The following RRAGB variants were observed in gnomAD, a reference collection of about 807,000 sequenced individuals.
RRAGB encodes Ras related GTP binding B.
RRAGB carries 6 observed loss-of-function variants against 29.3 expected under a neutral mutation model. The ratio of observed to expected loss-of-function variants is 0.21; its 90% CI spans 0.11 to 0.40. RRAGB has a LOEUF of 0.40. Among genes scored for constraint, RRAGB ranks in the 10% least tolerant of loss-of-function variants. The pLI, the probability that RRAGB is intolerant of heterozygous loss-of-function variation, is 1.00. For synonymous variants in RRAGB, 101 were observed against 92.5 expected, an observed-to-expected ratio of 1.09 and a Z score of -0.53; for missense variants, 184 against 272.9, an observed-to-expected ratio of 0.67 and a Z score of 2.29.
At chrX:55,720,288 A>T (rs1001811772) in intron 2 of RRAGB, among the ~76,000 whole-genome samples, 3 of 112,091 alleles carry the variant, frequency 2.7e-5, no homozygotes, top group African/African-American at 9.7e-5. Context: ...TATATCAAAC[A>T]TTGCATTGTA....
intron 7 of RRAGB, 105 bp from the exon 8 acceptor site, chrX:55,755,736 C>G: frequency 1.8e-6 from 2 of 1,109,224 alleles, no homozygotes; most frequent in East Asian, 3.3e-5. Context: ...CAAGTCTACC[C>G]TAAAAACCAG....
intron 6 of RRAGB, among the ~76,000 whole-genome samples, chrX:55,751,901 C>T (rs1415364858): frequency 1.8e-5 from 2 of 110,874 alleles, no homozygotes; most frequent in Non-Finnish European, 3.8e-5. Context: ...TTGGATCCTT[C>T]TGTAGTTAGC....
intron 3 of RRAGB, among the ~76,000 whole-genome samples, chrX:55,723,474 C>T (rs73503402): frequency 0.3 from 31,703 of 105,065 alleles, 3,729 homozygotes; most frequent in Middle Eastern, 0.49. Flanking sequence ...TTAGCTTGTT[C>T]TCTTTCTGTT....
At chrX:55,746,685 C>T (rs187374246) in intron 5 of RRAGB, among the ~76,000 whole-genome samples, 59 of 112,054 alleles carry the variant, frequency 5.3e-4, no homozygotes, top group Admixed American at 1.8e-3. Context: ...GTCCCTAAAG[C>T]CTCTTTTTCT....
chrX:55,734,959 G>A (rs1019193445), intron 5 of RRAGB, among the ~76,000 whole-genome samples: 17 of 111,890 alleles, frequency 1.5e-4, no homozygotes, highest in African/African-American at 5.5e-4. Flanking sequence ...TTGATTTCTG[G>A]TTTTATTCTG....
rs2034010156 is a variant in RRAGB at position 55,740,224 on chromosome X, G to A, written c.516+8638G>A. On this transcript the variant is annotated intron_variant, in intron 5 of 9. Transcript: ENST00000374941. ...TGTAGTCCCAGCTACTCGGGAGGCT[G>A]AGGCAGGAGAATGGCGTGAACCCAG... Among the ~76,000 whole-genome samples the A allele has an allele frequency of 3.6e-5, 4 of 110,966 alleles. No homozygotes were observed. In the South Asian group the frequency reaches 1.2e-3, roughly 32 times the overall value.
intron 3 of RRAGB, among the ~76,000 whole-genome samples, chrX:55,725,814 A>G (rs917710413): frequency 3.6e-5 from 4 of 111,516 alleles, no homozygotes; most frequent in Non-Finnish European, 5.7e-5. Flanking sequence ...TTAATGCTCT[A>G]TTACCCTGGT....
chrX:55,732,775 G>C (rs2033727833), intron 5 of RRAGB, among the ~76,000 whole-genome samples: 1 of 111,470 alleles, frequency 9.0e-6, no homozygotes, highest in Non-Finnish European at 1.9e-5. Context: ...CATGTACGCA[G>C]CTTGGGTCTT....
intron 5 of RRAGB, among the ~76,000 whole-genome samples, chrX:55,742,022 A>G (rs1287304103): frequency 1.8e-5 from 2 of 112,361 alleles, no homozygotes; most frequent in Admixed American, 9.4e-5. Context: ...CAAAAATGCA[A>G]TAATCATTTT....
chrX:55,746,083 A>G (rs2034235194), intron 5 of RRAGB, among the ~76,000 whole-genome samples: 1 of 111,507 alleles, frequency 9.0e-6, no homozygotes, highest in Admixed American at 9.5e-5. Flanking sequence ...GAAGATTAAC[A>G]GTATAAATAC....
At chrX:55,718,559 T>A (rs190885626) in intron 1 of RRAGB, 140 bp downstream of exon 1, 2 of 421,095 alleles carry the variant, frequency 4.7e-6, no homozygotes, top group Admixed American at 8.8e-5. Flanking sequence ...GATTATGCTT[T>A]GGACGACAGG....
At chrX:55,741,739 A>G (rs1388139851) in intron 5 of RRAGB, among the ~76,000 whole-genome samples, 2 of 111,768 alleles carry the variant, frequency 1.8e-5, no homozygotes, top group Admixed American at 1.9e-4. Flanking sequence ...AGACTCACTT[A>G]TATTATAGAG....
Position 55,748,332 on chromosome X carries a change from C to T in RRAGB, c.517-2769C>T, listed in dbSNP as rs772686620. 9.0e-5 allele frequency among the ~76,000 whole-genome samples: 10 copies of T among 111,052 alleles called. No individual in the cohort carries two copies. In the South Asian group the frequency reaches 3.9e-3, roughly 43 times the overall value. ...GAGCGTCTCTGCCTGGCCACCTATCCTCTGGGATGTGAGGAGCCCCTCTGC... is the reference window on the plus strand; with the variant it reads ...GAGCGTCTCTGCCTGGCCACCTATCTTCTGGGATGTGAGGAGCCCCTCTGC... On this transcript the variant is annotated intron_variant, in intron 5 of 9. Transcript: ENST00000374941.
chrX:55,752,738 A>G (rs779730846), intron 6 of RRAGB, among the ~76,000 whole-genome samples: 1 of 111,562 alleles, frequency 9.0e-6, no homozygotes, highest in African/African-American at 3.3e-5. Flanking sequence ...ATAGAGGGAG[A>G]GTGTGGTTAA....
intron 2 of RRAGB, among the ~76,000 whole-genome samples, chrX:55,721,427 G>A (rs1286768365): frequency 1.8e-5 from 2 of 112,093 alleles, no homozygotes; most frequent in Non-Finnish European, 3.8e-5. Flanking sequence ...CTGCAATTTA[G>A]CTGAAGGAAG....
chrX:55,734,517 G>A (rs983287836), intron 5 of RRAGB, among the ~76,000 whole-genome samples: 4 of 110,864 alleles, frequency 3.6e-5, no homozygotes, highest in African/African-American at 1.3e-4. Flanking sequence ...TTCTTTTCTT[G>A]CTTTATCTAG....
At chrX:55,719,410 T>A in intron 2 of RRAGB, 63 bp downstream of exon 2, 1 of 880,884 alleles carries the variant, frequency 1.1e-6, no homozygotes, top group South Asian at 2.7e-5. Flanking sequence ...ATTCAGGAAC[T>A]TTGTGACATA....
At chrX:55,720,504 A>C (rs1221490728) in intron 2 of RRAGB, among the ~76,000 whole-genome samples, 1 of 111,538 alleles carries the variant, frequency 9.0e-6, no homozygotes, top group South Asian at 3.8e-4. Context: ...TTTGTATAAA[A>C]TATCTTGGGA....
At chrX:55,744,438 TC>T (rs1224559998) in intron 5 of RRAGB, among the ~76,000 whole-genome samples, 5 of 100,293 alleles carry the variant, frequency 5.0e-5, no homozygotes, top group African/African-American at 7.2e-5. Context: ...GTGGCCATGT[TC>T]CTTACTTGTT....
Sources: allele counts gnomAD v4.1 joint callset (sites outside exome capture counted in the v4.1 genomes callset), GRCh38; gene constraint gnomAD v4.1.1; transcripts MANE v1.5; gene names NCBI Gene and HGNC (gene_info 2026-07-23, HGNC 2026-07-21).